Variants in ARID1B observed in about 807,000 individuals in gnomAD.
ARID1B encodes the protein AT-rich interaction domain 1B.
A neutral mutation model predicts 212.3 loss-of-function variants in ARID1B; 30 were observed. The observed-to-expected ratio is 0.14, with a 90% CI of 0.11 to 0.19. ARID1B has a LOEUF of 0.19. Ranked by LOEUF, ARID1B falls within the 10% of genes least tolerant of loss-of-function variation. The pLI is 1.00. For synonymous variants in ARID1B, 1,402 were observed against 1,301.7 expected (o/e 1.08, Z -1.66); for missense variants, 2,891 against 3,204.0 (o/e 0.90, Z 2.36).
intron 5 of ARID1B, among the ~76,000 whole-genome samples, chr6:157,089,657 C>T (rs552624661): frequency 2.0e-5 from 3 of 152,274 alleles, no homozygotes; most frequent in African/African-American, 4.8e-5. Context: ...TACTCTCCCT[C>T]CAGTGCCATC....
At chr6:157,044,423 G>A (rs62424286) in intron 4 of ARID1B, among the ~76,000 whole-genome samples, 6,630 of 152,192 alleles carry the variant, frequency 0.044, 168 homozygotes, top group Middle Eastern at 0.075. Flanking sequence ...AAAACAAAAT[G>A]ATGCAGTCGT....
chr6:156,983,338 T>A (rs1159250813), intron 4 of ARID1B, among the ~76,000 whole-genome samples: 1 of 152,096 alleles, frequency 6.6e-6, no homozygotes, highest in Non-Finnish European at 1.5e-5. Flanking sequence ...GAGGTTGCAG[T>A]GAGCCGAGAT....
chr6:156,935,377 GC>G, intron 3 of ARID1B, 88 bp from the exon 4 acceptor site: 2 of 1,168,830 alleles, frequency 1.7e-6, no homozygotes, highest in East Asian at 2.4e-5. Flanking sequence ...ACTGTGCCCA[GC>G]CAAGCTTTTG....
intron 4 of ARID1B, among the ~76,000 whole-genome samples, chr6:157,028,460 T>A (rs541801594): frequency 6.6e-6 from 1 of 152,372 alleles, no homozygotes; most frequent in African/African-American, 2.4e-5. Flanking sequence ...GGGAAAGCAT[T>A]GCTTTTATTG....
chr6:157,047,822 A>T (rs1375817602), intron 4 of ARID1B, among the ~76,000 whole-genome samples: 1 of 152,210 alleles, frequency 6.6e-6, no homozygotes, highest in East Asian at 1.9e-4. Context: ...ATAAAAATGC[A>T]TATATTCTCT....
At position 157,066,021 on chromosome 6, in the gene ARID1B, C is replaced by G. The variant is rs150335086; in HGVS notation, c.2248-18641C>G. On this transcript the variant is annotated intron_variant, in intron 4 of 19. Coordinates refer to ENST00000636930, the MANE Select transcript of ARID1B (RefSeq NM_001374828.1). ...AATCATTATCCATCCATCCCCAACC[C>G]CTACCACACTGTCTGAATAAAAGTC... 3.1e-3 allele frequency among the ~76,000 whole-genome samples: 475 copies of G among 152,290 alleles called. 1 individual carries two copies. The highest frequency in any genetic ancestry group is 0.011 in the African/African-American group (448 of 41,544).
intron 2 of ARID1B, among the ~76,000 whole-genome samples, chr6:156,899,476 C>T (rs959261487): frequency 6.6e-6 from 1 of 152,040 alleles, no homozygotes; most frequent in African/African-American, 2.4e-5. Context: ...ATGAATGAGC[C>T]GTGTGTCTAA....
rs372809611 is a variant in ARID1B at position 156,973,823 on chromosome 6, C to G, written c.2247+38247C>G. Among the ~76,000 whole-genome samples the G allele has an allele frequency of 8.5e-5, 13 of 152,292 alleles. No individual in the cohort carries two copies. The East Asian group carries it at 2.5e-3, about 29-fold the overall frequency. On this transcript the variant is annotated intron_variant, in intron 4 of 19. Transcript: ENST00000636930. ...TACCGAATTTATTTAAAAATTTCCT[C>G]AAAGACATTTATTGGCATATATCAT...
intron 4 of ARID1B, among the ~76,000 whole-genome samples, chr6:156,987,856 C>T (rs1184106764): frequency 1.3e-5 from 2 of 152,144 alleles, no homozygotes; most frequent in African/African-American, 4.8e-5. Context: ...CCTGTTGAGA[C>T]TTTATTCCTT....
At chr6:156,911,398 A>C (rs189725082) in intron 3 of ARID1B, among the ~76,000 whole-genome samples, 61 of 127,576 alleles carry the variant, frequency 4.8e-4, no homozygotes, top group African/African-American at 1.7e-3. Flanking sequence ...GGCACTTTTG[A>C]AAGTAGTGTC....
chr6:157,120,532 A>G (rs1222084289), intron 6 of ARID1B, among the ~76,000 whole-genome samples: 2 of 152,254 alleles, frequency 1.3e-5, no homozygotes, highest in East Asian at 3.8e-4. Flanking sequence ...AGAGGAAGGC[A>G]GGCAAATAAA....
At chr6:156,926,612 A>G (rs1265348327) in intron 3 of ARID1B, among the ~76,000 whole-genome samples, 1 of 152,142 alleles carries the variant, frequency 6.6e-6, no homozygotes, top group Non-Finnish European at 1.5e-5. Context: ...CTCCACCTTC[A>G]TCTTGTTTCA....
At chr6:157,110,435 G>A in intron 5 of ARID1B, 37 bp from the exon 6 acceptor site, 5 of 1,589,488 alleles carry the variant, frequency 3.1e-6, no homozygotes, top group Non-Finnish European at 3.5e-6. Flanking sequence ...AATGCAAAGG[G>A]TTCCCCCATC....
chr6:157,179,421 T>C (rs900607969), intron 11 of ARID1B, among the ~76,000 whole-genome samples: 1 of 152,126 alleles, frequency 6.6e-6, no homozygotes, highest in Non-Finnish European at 1.5e-5. Flanking sequence ...TAAAAATTTA[T>C]TTGGATATAT....
chr6:156,920,488 A>G (rs536249063), intron 3 of ARID1B, among the ~76,000 whole-genome samples: 1 of 152,328 alleles, frequency 6.6e-6, no homozygotes, highest in Non-Finnish European at 1.5e-5. Flanking sequence ...TAATTTATAC[A>G]TAAAGTTCTT....
chr6:157,066,992 C>T (rs1359713872), intron 4 of ARID1B, among the ~76,000 whole-genome samples: 2 of 151,986 alleles, frequency 1.3e-5, no homozygotes, highest in Admixed American at 6.6e-5. Context: ...CATGGCCCAA[C>T]CACCTCACCC....
intron 4 of ARID1B, among the ~76,000 whole-genome samples, chr6:157,052,442 A>T (rs1325724322): frequency 1.3e-5 from 2 of 152,188 alleles, no homozygotes; most frequent in Admixed American, 1.3e-4. Context: ...ACTTTCCCCC[A>T]ATATAATTGG....
chr6:156,778,432 G>T lies in ARID1B; in HGVS notation c.752G>T (p.Gly251Val). The T allele has an allele frequency of 6.8e-7, 1 of 1,474,550 alleles. No homozygotes were observed. Among genetic ancestry groups the T allele is most frequent in the Non-Finnish European group, 8.9e-7 (1 of 1,117,918 alleles). 91.3% of individuals were successfully genotyped at this position (1,474,550 alleles called of 1,614,324 possible). The change falls in exon 1 of 20, where the codon GGC becomes GTC. Residue 251 changes from glycine (G) to valine (V), a missense_variant. Gly to Val is a moderately radical substitution (Grantham distance 109). Coordinates refer to ENST00000636930, the MANE Select transcript of ARID1B (RefSeq NM_001374828.1). ...GGAGGCGCCAAGGACAGTGCTGCGGGCGGCCAGGCCGACCCCCCGGGCCCG... is the reference window on the plus strand; with the variant it reads ...GGAGGCGCCAAGGACAGTGCTGCGGTCGGCCAGGCCGACCCCCCGGGCCCG... ...QHGGAKDSAA[G>V]GQADPPGPPL...
intron 2 of ARID1B, among the ~76,000 whole-genome samples, chr6:156,886,770 C>T (rs780405116): frequency 2.0e-5 from 3 of 152,164 alleles, no homozygotes; most frequent in Admixed American, 6.5e-5. Flanking sequence ...GTAACTGTGC[C>T]GAGCCTTCCA....
Sources: allele counts gnomAD v4.1 joint callset (sites outside exome capture counted in the v4.1 genomes callset), GRCh38; gene constraint gnomAD v4.1.1; transcripts MANE v1.5; gene names NCBI Gene and HGNC (gene_info 2026-07-23, HGNC 2026-07-21).